The following ZDHHC2 variants were observed in gnomAD, a reference collection of about 807,000 sequenced individuals.
ZDHHC2 encodes the protein zDHHC palmitoyltransferase 2, also known as palmitoyltransferase ZDHHC2.
Under a neutral mutation model 55.6 loss-of-function variants are expected in ZDHHC2, and 51 were observed. The ratio of observed to expected loss-of-function variants is 0.92; its 90% CI spans 0.73 to 1.16. The LOEUF (loss-of-function observed/expected upper bound fraction) is 1.16. Among genes scored for constraint, ZDHHC2 ranks in the 50% most tolerant of loss-of-function variants. The pLI is 0.00. For missense variants in ZDHHC2, 491 were observed against 442.4 expected, an observed-to-expected ratio of 1.11 and a Z score of -0.99; for synonymous variants, 199 against 152.9, an observed-to-expected ratio of 1.30 and a Z score of -2.22.
chr8:17,169,810 A>T (rs1804767170), intron 1 of ZDHHC2, among the ~76,000 whole-genome samples: 1 of 152,212 alleles, frequency 6.6e-6, no homozygotes, highest in Admixed American at 6.5e-5. Context: ...GCAGAGGAAG[A>T]GACTCATTCC....
intron 1 of ZDHHC2, among the ~76,000 whole-genome samples, chr8:17,164,219 A>G (rs1243068501): frequency 2.6e-5 from 4 of 152,202 alleles, no homozygotes; most frequent in African/African-American, 9.7e-5. Flanking sequence ...TTTTAAATTC[A>G]GTTATAAATA....
chr8:17,215,579 T>G (rs1404959155), intron 11 of ZDHHC2, among the ~76,000 whole-genome samples: 2 of 152,202 alleles, frequency 1.3e-5, no homozygotes, highest in African/African-American at 2.4e-5. Context: ...TTTTTCTGTT[T>G]AAAGAACCAA....
intron 1 of ZDHHC2, among the ~76,000 whole-genome samples, chr8:17,159,200 C>T (rs1309763397): frequency 6.6e-6 from 1 of 152,156 alleles, no homozygotes; most frequent in Non-Finnish European, 1.5e-5. Flanking sequence ...AATGGAAATA[C>T]CAGCCCCCAC....
At chr8:17,194,278 A>G (rs755837595) in intron 3 of ZDHHC2, among the ~76,000 whole-genome samples, 9 of 150,756 alleles carry the variant, frequency 6.0e-5, no homozygotes, top group Non-Finnish European at 8.9e-5. Flanking sequence ...TATCACTTTT[A>G]AAGTTTTTTA....
chr8:17,163,618 C>T (rs933414346), intron 1 of ZDHHC2, among the ~76,000 whole-genome samples: 4 of 152,098 alleles, frequency 2.6e-5, no homozygotes, highest in Non-Finnish European at 4.4e-5. Flanking sequence ...TGCGTTTTGA[C>T]AGTTGTATCA....
In ZDHHC2 at chr8:17,206,786, G is replaced by A. The variant is rs549703891; in HGVS notation, c.597+1011G>A. On this transcript the variant is annotated intron_variant, in intron 7 of 12. Coordinates refer to ENST00000262096, the MANE Select transcript of ZDHHC2 (RefSeq NM_016353.5). ...AAAAAAGCAATTTATCTGCTGCCAGGATTGATGTATTATTTTCATTAAATT... is the reference window on the plus strand; with the variant it reads ...AAAAAAGCAATTTATCTGCTGCCAGAATTGATGTATTATTTTCATTAAATT... Among the ~76,000 whole-genome samples, 4 of 152,240 alleles carry A rather than the reference G, an allele frequency of 2.6e-5. No homozygotes were observed. The South Asian group carries it at 6.2e-4, about 24-fold the overall frequency.
chr8:17,211,720 A>C (rs1405546714), intron 10 of ZDHHC2, among the ~76,000 whole-genome samples: 2 of 152,174 alleles, frequency 1.3e-5, no homozygotes, highest in African/African-American at 2.4e-5. Context: ...AGCTATGTAC[A>C]GGCCAGACCC....
intron 12 of ZDHHC2, among the ~76,000 whole-genome samples, chr8:17,218,461 A>T (rs946435820): frequency 1.3e-5 from 2 of 152,050 alleles, no homozygotes; most frequent in Non-Finnish European, 2.9e-5. Flanking sequence ...TGCTATTAGG[A>T]ATTTTTCTGT....
intron 10 of ZDHHC2, among the ~76,000 whole-genome samples, chr8:17,210,935 TGTATA>T (rs1807353791): frequency 2.0e-5 from 3 of 152,096 alleles, no homozygotes; most frequent in Admixed American, 6.6e-5. Flanking sequence ...TCCATTTTAA[TGTATA>T]TTATGGACTT....
intron 7 of ZDHHC2, among the ~76,000 whole-genome samples, chr8:17,206,052 C>CGAT (rs1294002668): frequency 6.6e-6 from 1 of 152,166 alleles, no homozygotes; most frequent in Non-Finnish European, 1.5e-5. Context: ...TTGAACAAGA[C>CGAT]GATGCTTTTG....
In ZDHHC2 at chr8:17,208,001, T is replaced by A; in HGVS notation, c.639T>A (p.Phe213Leu). 1 of 1,593,690 alleles carries A rather than the reference T, an allele frequency of 6.3e-7. No homozygotes were observed. Residue 213 changes from phenylalanine to leucine, a missense_variant, in exon 8 of 13, where the codon TTT becomes TTA. Physicochemically the swap from Phe to Leu is conservative, Grantham distance 22 (BLOSUM62 0). Coordinates refer to ENST00000262096, the MANE Select transcript of ZDHHC2 (RefSeq NM_016353.5). Reference sequence around the variant, plus strand: ...CTCAAGCCAAGTTCCATATTATGTTTTTATTCTTTGCTGCAGCTATGTTTT... The same window carrying A: ...CTCAAGCCAAGTTCCATATTATGTTATTATTCTTTGCTGCAGCTATGTTTT... ...PDTQAKFHIM[F>L]LFFAAAMFSV...
intron 1 of ZDHHC2, among the ~76,000 whole-genome samples, chr8:17,181,357 C>G (rs1361298154): frequency 6.6e-6 from 1 of 152,142 alleles, no homozygotes; most frequent in Non-Finnish European, 1.5e-5. Context: ...GTTTTTGTTA[C>G]AGGCAGGAAA....
rs1396008193 is a variant in ZDHHC2, at chr8:17,157,834, G to A, written c.130+981G>A. On this transcript the variant is annotated intron_variant, in intron 1 of 12. Coordinates refer to ENST00000262096, the MANE Select transcript of ZDHHC2 (RefSeq NM_016353.5). ...GCCCTACCAAGTGCTAGCTTTGGGT[G>A]GGACGAGGGAAAAGATGAAATAGTG... 5.9e-5 allele frequency among the ~76,000 whole-genome samples: 9 copies of A among 152,168 alleles called. No homozygotes were observed. In the East Asian group the frequency reaches 1.7e-3, roughly 29 times the overall value.
At chr8:17,199,659 C>T (rs1473742510) in intron 6 of ZDHHC2, among the ~76,000 whole-genome samples, 7 of 119,824 alleles carry the variant, frequency 5.8e-5, no homozygotes, top group African/African-American at 2.0e-4. Flanking sequence ...CCTCCCTCCT[C>T]CCTCCTCCCT....
chr8:17,157,939 T>C (rs1804145215), intron 1 of ZDHHC2, among the ~76,000 whole-genome samples: 1 of 152,224 alleles, frequency 6.6e-6, no homozygotes, highest in Non-Finnish European at 1.5e-5. Flanking sequence ...TGAAGCCATC[T>C]TACCTCAAAA....
At chr8:17,193,288 T>C (rs897103147) in intron 3 of ZDHHC2, among the ~76,000 whole-genome samples, 1 of 152,206 alleles carries the variant, frequency 6.6e-6, no homozygotes, top group African/African-American at 2.4e-5. Context: ...GACTGGTAGA[T>C]GTGTACTGCC....
intron 3 of ZDHHC2, among the ~76,000 whole-genome samples, chr8:17,189,365 C>T (rs931019954): frequency 2.0e-5 from 3 of 152,126 alleles, no homozygotes; most frequent in African/African-American, 7.2e-5. Context: ...TGGCAACACA[C>T]TGCATATTTA....
Position 17,205,642 on chromosome 8 carries a change from G to GTTTTGTTAACAGGGTTTTGT in ZDHHC2, c.479_480insTTTGTTTTTGTTAACAGGGT. On this transcript the variant is annotated splice_polypyrimidine_tract_variant and intron_variant, in intron 6 of 12. Transcript: ENST00000262096. ...TGTAAAACTCACTGGAAATGTTTTT[G>GTTTTGTTAACAGGGTTTTGT]TTTTGTTAACAGGGTGAACAATTGT... is the stretch of plus-strand genomic sequence containing the variant. 1 of 1,584,826 alleles carries GTTTTGTTAACAGGGTTTTGT rather than the reference G, an allele frequency of 6.3e-7. No homozygotes were observed. Among genetic ancestry groups the GTTTTGTTAACAGGGTTTTGT allele is most frequent in the Non-Finnish European group, 8.5e-7 (1 of 1,170,628 alleles).
intron 6 of ZDHHC2, among the ~76,000 whole-genome samples, chr8:17,201,894 A>G (rs1342693131): frequency 1.3e-5 from 2 of 151,956 alleles, no homozygotes; most frequent in East Asian, 1.9e-4. Context: ...ATACCTCTCT[A>G]TTTGTCAGTG....
Sources: gnomAD v4.1 joint callset for allele counts (sites outside exome capture counted in the v4.1 genomes callset) on GRCh38, gnomAD v4.1.1 for gene constraint, MANE v1.5 for transcripts, NCBI Gene and HGNC (gene_info 2026-07-23, HGNC 2026-07-21) for gene names.